NUBPL: variants seen among roughly 807,000 people sequenced by gnomAD.
NUBPL encodes the protein NUBP iron-sulfur cluster assembly factor, mitochondrial, also known as iron-sulfur cluster transfer protein NUBPL.
A neutral mutation model predicts 45.7 loss-of-function variants in NUBPL; 31 were observed. The observed-to-expected ratio is 0.68, with a 90% confidence interval of 0.51 to 0.92. NUBPL has a LOEUF of 0.92. NUBPL is among the 40% of genes least tolerant of loss of function. NUBPL has a pLI of 0.00. For synonymous variants in NUBPL, 144 were observed against 140.9 expected (o/e 1.02, Z -0.15); for missense variants, 401 against 398.7 (o/e 1.01, Z -0.05).
intron 3 of NUBPL, among the ~76,000 whole-genome samples, chr14:31,568,388 A>G (rs1054165699): frequency 1.2e-4 from 18 of 152,246 alleles, no homozygotes; most frequent in Admixed American, 1.2e-3. Flanking sequence ...TTAACTTTAC[A>G]TAAACACGCC....
At chr14:31,743,108 A>G (rs1294465000) in intron 6 of NUBPL, among the ~76,000 whole-genome samples, 1 of 152,032 alleles carries the variant, frequency 6.6e-6, no homozygotes, top group Non-Finnish European at 1.5e-5. Context: ...AGATTTCCAG[A>G]CCCTGACATC....
chr14:31,779,941 G>T (rs923781276), intron 6 of NUBPL, among the ~76,000 whole-genome samples: 1 of 152,152 alleles, frequency 6.6e-6, no homozygotes, highest in African/African-American at 2.4e-5. Flanking sequence ...TTCACTCCCT[G>T]AAAAGCTGGG....
chr14:31,610,109 A>T (rs1310321917), intron 4 of NUBPL, among the ~76,000 whole-genome samples: 24 of 152,128 alleles, frequency 1.6e-4, no homozygotes, highest in Non-Finnish European at 3.5e-4. Flanking sequence ...AATACAAAAG[A>T]TCAATGAAAC....
chr14:31,839,457 A>G (rs976602547), intron 8 of NUBPL, among the ~76,000 whole-genome samples: 66 of 152,240 alleles, frequency 4.3e-4, no homozygotes, highest in African/African-American at 1.6e-3. Context: ...ATATATAAAA[A>G]TCAACCCAAA....
At chr14:31,814,742 G>T (rs1176393783) in intron 7 of NUBPL, among the ~76,000 whole-genome samples, 2 of 152,120 alleles carry the variant, frequency 1.3e-5, no homozygotes, top group African/African-American at 4.8e-5. Flanking sequence ...TCCAGTTTCA[G>T]TTTTCTGCAT....
chr14:31,691,138 C>T (rs763628082), intron 6 of NUBPL, among the ~76,000 whole-genome samples: 1 of 152,116 alleles, frequency 6.6e-6, no homozygotes, highest in Non-Finnish European at 1.5e-5. Flanking sequence ...TGGGAAGAGC[C>T]AAAGAAGTTT....
chr14:31,597,052 T>G (rs1220611049), intron 3 of NUBPL, among the ~76,000 whole-genome samples: 6 of 152,148 alleles, frequency 3.9e-5, no homozygotes, highest in Non-Finnish European at 7.4e-5. Context: ...TAATGTCCCT[T>G]TATCCTGTTC....
intron 7 of NUBPL, among the ~76,000 whole-genome samples, chr14:31,820,561 C>T (rs116787631): frequency 0.016 from 2,399 of 152,188 alleles, 74 homozygotes; most frequent in African/African-American, 0.054. Flanking sequence ...CGGTGGTGCA[C>T]GCCTGTAATC....
At chr14:31,799,991 A>C (rs562090734) in intron 7 of NUBPL, among the ~76,000 whole-genome samples, 1 of 152,324 alleles carries the variant, frequency 6.6e-6, no homozygotes, top group East Asian at 1.9e-4. Context: ...GTAATATTCT[A>C]AATCCTTTGT....
At chr14:31,815,133 C>T (rs61421033) in intron 7 of NUBPL, among the ~76,000 whole-genome samples, 60,425 of 151,904 alleles carry the variant, frequency 0.4, 13,563 homozygotes, top group East Asian at 0.61. Context: ...TGGGCAGTAT[C>T]GCCATTTTCA....
chr14:31,735,194 C>T (rs1188185004), intron 6 of NUBPL, among the ~76,000 whole-genome samples: 1 of 150,986 alleles, frequency 6.6e-6, no homozygotes, highest in Non-Finnish European at 1.5e-5. Context: ...AACTACTGCT[C>T]TAGGTTGATT....
chr14:31,561,921 A>G, intron 1 of NUBPL, 147 bp from the exon 2 acceptor site: 1 of 735,232 alleles, frequency 1.4e-6, no homozygotes, highest in South Asian at 1.7e-5. Context: ...TATCAGTAGT[A>G]GTAGGTAAAT....
chr14:31,751,451 G>C (rs2138689395), intron 6 of NUBPL, among the ~76,000 whole-genome samples: 1 of 152,344 alleles, frequency 6.6e-6, no homozygotes, highest in East Asian at 1.9e-4. Context: ...GGGGCCACAG[G>C]CCCCATGCAA....
intron 6 of NUBPL, among the ~76,000 whole-genome samples, chr14:31,750,332 C>T (rs1423775715): frequency 6.9e-5 from 10 of 144,336 alleles, no homozygotes; most frequent in South Asian, 2.4e-4. Context: ...CCCACCACCA[C>T]GCCCGGCTAA....
intron 6 of NUBPL, among the ~76,000 whole-genome samples, chr14:31,679,323 C>G (rs965755847): frequency 6.6e-6 from 1 of 151,882 alleles, no homozygotes; most frequent in East Asian, 1.9e-4. Flanking sequence ...ATTTGGTGTT[C>G]CTGCGTTGGG....
rs573281422 is a variant in NUBPL, at chr14:31,649,852, T to G, written c.383-23503T>G. Among the ~76,000 whole-genome samples, 320 of 152,306 alleles carry G rather than the reference T, an allele frequency of 2.1e-3. 1 individual carries two copies. Among genetic ancestry groups the G allele is most frequent in the African/African-American group, 7.3e-3 (305 of 41,572 alleles). ...CTCTTTGCCTTTAGGAGATTCAAAT[T>G]AAAAATTCACTTTTTTTTTGTTTTG... On this transcript the variant is annotated intron_variant, in intron 4 of 10. Transcript: ENST00000281081.
chr14:31,709,900 A>C (rs942886346), intron 6 of NUBPL, among the ~76,000 whole-genome samples: 1 of 152,156 alleles, frequency 6.6e-6, no homozygotes, highest in African/African-American at 2.4e-5. Context: ...GGAGGCTAGG[A>C]TATGGGGGTA....
intron 6 of NUBPL, among the ~76,000 whole-genome samples, chr14:31,752,686 A>G (rs548616353): frequency 1.3e-5 from 2 of 152,170 alleles, no homozygotes; most frequent in Non-Finnish European, 2.9e-5. Context: ...CTGTTACCCA[A>G]TTCCAAAGTT....
intron 6 of NUBPL, among the ~76,000 whole-genome samples, chr14:31,778,638 C>T (rs780122519): frequency 6.6e-5 from 10 of 152,226 alleles, no homozygotes; most frequent in African/African-American, 9.6e-5. Context: ...TAAGGTTTAA[C>T]TACTGCCATT....
Sources: gnomAD v4.1 joint callset for allele counts (sites outside exome capture counted in the v4.1 genomes callset) on GRCh38, gnomAD v4.1.1 for gene constraint, MANE v1.5 for transcripts, NCBI Gene and HGNC (gene_info 2026-07-23, HGNC 2026-07-21) for gene names.